ARL15: variants seen among roughly 807,000 people sequenced by gnomAD.
ARL15 encodes ARF like GTPase 15, also known as ADP-ribosylation factor-like protein 15.
Under a neutral mutation model 25.2 loss-of-function variants are expected in ARL15, and 19 were observed. The observed-to-expected ratio is 0.75, with a 90% CI of 0.53 to 1.10. ARL15 has a LOEUF of 1.10. Ranked by LOEUF, ARL15 falls within the 50% of genes least tolerant of loss-of-function variation. The probability of loss-of-function intolerance (pLI) is 0.00; values close to 1 mark genes in which losing one functional copy is unlikely to be tolerated. For synonymous variants in ARL15, 94 were observed against 86.8 expected, an observed-to-expected ratio of 1.08 and a Z score of -0.46; for missense variants, 220 against 246.0, an observed-to-expected ratio of 0.89 and a Z score of 0.71.
intron 4 of ARL15, among the ~76,000 whole-genome samples, chr5:53,919,931 C>A (rs1426885543): frequency 6.6e-6 from 1 of 152,090 alleles, no homozygotes; most frequent in Non-Finnish European, 1.5e-5. Flanking sequence ...TCTTTAGCTT[C>A]CTAATTTTTT....
intron 4 of ARL15, among the ~76,000 whole-genome samples, chr5:53,979,832 TGTGTGTGTGTG>T (rs1748063042): frequency 3.9e-3 from 1 of 258 alleles, no homozygotes; most frequent in Non-Finnish European, 9.6e-3. Flanking sequence ...AAGTCTTTTG[TGTGTGTGTGTG>T]TGTGTGTGTG....
At position 53,886,629 on chromosome 5, in the gene ARL15, G is replaced by T; in HGVS notation, c.547C>A (p.Leu183Met). The T allele has an allele frequency of 6.4e-7, 1 of 1,570,604 alleles. No homozygotes were observed. The highest frequency in any genetic ancestry group is 8.6e-7 in the Non-Finnish European group (1 of 1,156,204). ...ATCAGCTGAGAGAAGCTGTCTTTCAGTGCATCCATGTCATCCAGTGAGCAG... is the reference window on the plus strand; with the variant it reads ...ATCAGCTGAGAGAAGCTGTCTTTCATTGCATCCATGTCATCCAGTGAGCAG... ...QPCSLDDMDA[L>M]KDSFSQLINL... Residue 183 changes from leucine (L) to methionine (M), a missense_variant, in exon 5 of 5, where the codon CTG becomes ATG. Leu to Met is a conservative substitution (Grantham distance 15, BLOSUM62 2). Coordinates refer to ENST00000504924, the MANE Select transcript of ARL15 (RefSeq NM_019087.3).
At chr5:53,950,028 C>T (rs1746891301) in intron 4 of ARL15, among the ~76,000 whole-genome samples, 1 of 152,124 alleles carries the variant, frequency 6.6e-6, no homozygotes, top group Non-Finnish European at 1.5e-5. Context: ...AAAAAAGGCA[C>T]TACATAAATG....
chr5:53,978,611 C>A (rs1217415764), intron 4 of ARL15, among the ~76,000 whole-genome samples: 2 of 123,300 alleles, frequency 1.6e-5, no homozygotes, highest in Non-Finnish European at 1.7e-5. Flanking sequence ...CACAGGGAGA[C>A]CCTGTCTCTA....
chr5:54,178,278 A>G (rs1172875897), intron 1 of ARL15, among the ~76,000 whole-genome samples: 3 of 152,210 alleles, frequency 2.0e-5, no homozygotes, highest in Non-Finnish European at 4.4e-5. Context: ...CATCATGAAT[A>G]CATGATTTTA....
At chr5:54,163,215 T>C (rs190347733) in intron 2 of ARL15, among the ~76,000 whole-genome samples, 10 of 152,222 alleles carry the variant, frequency 6.6e-5, no homozygotes, top group African/African-American at 2.4e-4. Flanking sequence ...TTTTTGAATG[T>C]GCAACCAACT....
intron 4 of ARL15, among the ~76,000 whole-genome samples, chr5:54,097,345 T>C (rs1212901265): frequency 2.2e-4 from 34 of 152,074 alleles, no homozygotes; most frequent in Non-Finnish European, 4.4e-5. Context: ...AAAAAACTTA[T>C]GTCTGCCACA....
intron 1 of ARL15, among the ~76,000 whole-genome samples, chr5:54,250,630 G>C (rs1335720900): frequency 6.6e-6 from 1 of 152,100 alleles, no homozygotes; most frequent in Non-Finnish European, 1.5e-5. Context: ...CATGATGGTG[G>C]AGAGAGGGAG....
Position 53,937,556 on chromosome 5 carries a change from G to A in ARL15, c.463-50843C>T, listed in dbSNP as rs1214857018. Among the ~76,000 whole-genome samples the A allele has an allele frequency of 1.4e-4, 21 of 152,052 alleles. 1 individual carries two copies. Among genetic ancestry groups the A allele is most frequent in the Admixed American group, 1.4e-3 (21 of 15,264 alleles). On this transcript the variant is annotated intron_variant, in intron 4 of 4. Transcript: ENST00000504924. ...ATTATAATACTATAGTTTTTACTAC[G>A]GCTTTTCTATGTTTAGATACACAAA...
intron 3 of ARL15, among the ~76,000 whole-genome samples, chr5:54,135,531 T>C (rs1190731005): frequency 6.6e-6 from 1 of 152,204 alleles, no homozygotes; most frequent in Non-Finnish European, 1.5e-5. Flanking sequence ...CTAGGGGAGC[T>C]GTACTATTTG....
At chr5:54,194,802 T>C (rs1218991714) in intron 1 of ARL15, among the ~76,000 whole-genome samples, 1 of 152,182 alleles carries the variant, frequency 6.6e-6, no homozygotes, top group Admixed American at 6.6e-5. Flanking sequence ...CTACTTCAGA[T>C]ACCTGATACA....
intron 4 of ARL15, among the ~76,000 whole-genome samples, chr5:53,959,588 G>T (rs2112144462): frequency 6.6e-6 from 1 of 152,244 alleles, no homozygotes; most frequent in South Asian, 2.1e-4. Context: ...GGATAAAAGG[G>T]GTAACGATAC....
chr5:54,019,314 C>G (rs1034581362), intron 4 of ARL15, among the ~76,000 whole-genome samples: 2 of 152,086 alleles, frequency 1.3e-5, no homozygotes, highest in African/African-American at 4.8e-5. Flanking sequence ...AGTAGGTTTC[C>G]ATTTGCTTTG....
At chr5:54,187,190 A>C (rs1378138287) in intron 1 of ARL15, among the ~76,000 whole-genome samples, 8 of 152,148 alleles carry the variant, frequency 5.3e-5, no homozygotes, top group Non-Finnish European at 1.2e-4. Flanking sequence ...TGCAGCCACG[A>C]GAATGACATC....
At chr5:54,249,142 C>T (rs910070761) in intron 1 of ARL15, among the ~76,000 whole-genome samples, 2 of 152,048 alleles carry the variant, frequency 1.3e-5, no homozygotes, top group African/African-American at 4.8e-5. Flanking sequence ...ATTAGGATAG[C>T]GTATTATGGA....
At chr5:54,271,923 T>C (rs1423055367) in intron 1 of ARL15, among the ~76,000 whole-genome samples, 1 of 150,374 alleles carries the variant, frequency 6.7e-6, no homozygotes, top group Non-Finnish European at 1.5e-5. Context: ...TATTTATTTA[T>C]TTATTTATTT....
chr5:54,006,866 G>C (rs1010345313), intron 4 of ARL15, among the ~76,000 whole-genome samples: 3 of 152,076 alleles, frequency 2.0e-5, no homozygotes, highest in Non-Finnish European at 4.4e-5. Flanking sequence ...CGAGGTGGGT[G>C]GATCACCTGA....
At chr5:54,261,189 T>C (rs771182732) in intron 1 of ARL15, among the ~76,000 whole-genome samples, 30 of 152,260 alleles carry the variant, frequency 2.0e-4, no homozygotes, top group Admixed American at 1.4e-3. Context: ...GCCTGCCACA[T>C]CCATCCTATG....
At chr5:53,996,312 T>A (rs11747795) in intron 4 of ARL15, among the ~76,000 whole-genome samples, 1 of 152,104 alleles carries the variant, frequency 6.6e-6, no homozygotes, top group African/African-American at 2.4e-5. Flanking sequence ...TGTGTGATCA[T>A]ACTCAACATT....
Sources: gnomAD v4.1 joint callset for allele counts (sites outside exome capture counted in the v4.1 genomes callset) on GRCh38, gnomAD v4.1.1 for gene constraint, MANE v1.5 for transcripts, NCBI Gene and HGNC (gene_info 2026-07-23, HGNC 2026-07-21) for gene names.